Variants in PRKCZ observed in about 807,000 individuals in gnomAD.
PRKCZ encodes protein kinase C zeta, also known as protein kinase C zeta type.
PRKCZ carries 33 observed loss-of-function variants against 79.5 expected under a neutral mutation model. The ratio of observed to expected loss-of-function variants is 0.41; its 90% CI spans 0.31 to 0.55. The LOEUF is 0.55. Ranked by LOEUF, PRKCZ falls within the 20% of genes least tolerant of loss-of-function variation. The pLI, the probability that PRKCZ is intolerant of heterozygous loss-of-function variation, is 0.19. For missense variants in PRKCZ, 578 were observed against 813.5 expected (o/e 0.71, Z 3.52); for synonymous variants, 342 against 320.9 (o/e 1.07, Z -0.70).
rs1267098509 is a variant in PRKCZ, at chr1:2,172,588, C to T, written c.1285+200C>T. ...ACCTCCCATGTCCACTTGAGCAGCT[C>T]CTTGGGGAGGGCACTGCACAGGATT... On this transcript the variant is annotated intron_variant, in intron 13 of 17. Coordinates refer to ENST00000378567, the MANE Select transcript of PRKCZ (RefSeq NM_002744.6). The surrounding 1 kb of genome is among the most constrained non-coding windows in gnomAD (Gnocchi z 7.8). Among the ~76,000 whole-genome samples, 5 of 152,222 alleles carry T rather than the reference C, an allele frequency of 3.3e-5. No homozygotes were observed. The highest frequency in any genetic ancestry group is 1.2e-4 in the African/African-American group (5 of 41,458).
chr1:2,104,474 C>T (rs542652945), intron 4 of PRKCZ, among the ~76,000 whole-genome samples: 29 of 152,010 alleles, frequency 1.9e-4, no homozygotes, highest in Non-Finnish European at 3.2e-4. Flanking sequence ...CATCGGTCTG[C>T]GAGGGGTATG....
At chr1:2,086,381 C>T (rs1196395484) in intron 4 of PRKCZ, among the ~76,000 whole-genome samples, 1 of 152,130 alleles carries the variant, frequency 6.6e-6, no homozygotes, top group South Asian at 2.1e-4. Flanking sequence ...GCTGGAATTA[C>T]AGATGTGAGC....
chr1:2,053,215 T>C lies in PRKCZ; in HGVS notation c.72-2226T>C, dbSNP rs548405243. Among the ~76,000 whole-genome samples, 87 of 152,120 alleles carry C rather than the reference T, an allele frequency of 5.7e-4. 4 individuals are homozygous for C. In the South Asian group the frequency reaches 0.017, roughly 29 times the overall value. On this transcript the variant is annotated intron_variant, in intron 1 of 17. Transcript: ENST00000378567. ...TCCGAGGTTCAAGCAATTCTCCTGC[T>C]TCAGCCTCCCTAGTATCTAGGACTA... is the stretch of plus-strand genomic sequence containing the variant.
intron 4 of PRKCZ, among the ~76,000 whole-genome samples, chr1:2,099,831 G>T (rs1667155873): frequency 6.6e-6 from 1 of 152,200 alleles, no homozygotes; most frequent in South Asian, 2.1e-4. Flanking sequence ...TCCGTGTCGT[G>T]CTAAAGCAGA....
At chr1:2,064,252 C>T (rs191119155) in intron 4 of PRKCZ, among the ~76,000 whole-genome samples, 1 of 152,212 alleles carries the variant, frequency 6.6e-6, no homozygotes, top group Admixed American at 6.5e-5. Flanking sequence ...TACTAGTTCT[C>T]TGTCCTGGAT....
At chr1:2,071,078 G>C (rs114538145) in intron 4 of PRKCZ, among the ~76,000 whole-genome samples, 1 of 102,752 alleles carries the variant, frequency 9.7e-6, no homozygotes, top group African/African-American at 3.5e-5. Flanking sequence ...TGGGCAATGC[G>C]GGGGCCGATT....
Position 2,172,360 on chromosome 1 carries a change from C to T in PRKCZ, c.1257C>T (p.Ala419=). The part of the protein sequence containing the change: ...STFCGTPNYI[A]PEILRGEEYG... ...TCTGCGGAACCCCGAATTACATCGC[C>T]CCCGAAATCCTGCGGGGAGAGGAGT... Residue 419 remains alanine (A), a synonymous_variant, in exon 13 of 18, where the codon GCC becomes GCT. Transcript: ENST00000378567. The surrounding 1 kb of genome is among the most constrained non-coding windows in gnomAD (Gnocchi z 7.8). The T allele has an allele frequency of 6.2e-7, 1 of 1,613,408 alleles. No individual in the cohort carries two copies.
chr1:2,059,365 G>A (rs1660461995), intron 3 of PRKCZ, among the ~76,000 whole-genome samples, 176 bp from the exon 4 acceptor site: 1 of 152,236 alleles, frequency 6.6e-6, no homozygotes, highest in Admixed American at 6.5e-5. Context: ...TCGGAGCCTG[G>A]CCTACGTAGA....
intron 4 of PRKCZ, among the ~76,000 whole-genome samples, chr1:2,093,428 C>T (rs3107128): frequency 0.037 from 5,660 of 152,224 alleles, 372 homozygotes; most frequent in African/African-American, 0.12. Flanking sequence ...CTGCTTCGTG[C>T]GGGGACTCTG....
chr1:2,110,705 C>G (rs1245568394), intron 4 of PRKCZ, among the ~76,000 whole-genome samples: 2 of 142,064 alleles, frequency 1.4e-5, no homozygotes, highest in African/African-American at 5.2e-5. Flanking sequence ...GGGCCTCTGC[C>G]TGAAACCCTG....
chr1:2,136,590 T>C (rs565992158), intron 5 of PRKCZ, among the ~76,000 whole-genome samples: 1 of 151,706 alleles, frequency 6.6e-6, no homozygotes, highest in African/African-American at 2.4e-5. Flanking sequence ...CACCAGGAAA[T>C]GGGGAGCCTA....
At chr1:2,130,973 C>T (rs932226382) in intron 4 of PRKCZ, among the ~76,000 whole-genome samples, 1 of 152,172 alleles carries the variant, frequency 6.6e-6, no homozygotes, top group Non-Finnish European at 1.5e-5. Context: ...AGTACTCCCG[C>T]CTGACACAGT....
In PRKCZ at chr1:2,127,176, C is replaced by G. The variant is rs964826897; in HGVS notation, c.335-8086C>G. On this transcript the variant is annotated intron_variant, in intron 4 of 17. Coordinates refer to ENST00000378567, the MANE Select transcript of PRKCZ (RefSeq NM_002744.6). This position sits in a 1 kb window ranked among gnomAD's most constrained non-coding sequence, Gnocchi z 5.1. Reference sequence around the variant, plus strand: ...CCAGTCCCCAAAACAGACCCTGCGCCCCGGGCAACCATCTGCTTCCCGCCA... The same window carrying G: ...CCAGTCCCCAAAACAGACCCTGCGCGCCGGGCAACCATCTGCTTCCCGCCA... 7.2e-5 allele frequency among the ~76,000 whole-genome samples: 11 copies of G among 152,256 alleles called. 1 individual carries two copies. The highest frequency in any genetic ancestry group is 1.5e-4 in the Non-Finnish European group (10 of 68,042).
chr1:2,063,052 C>T (rs1660831787), intron 4 of PRKCZ, among the ~76,000 whole-genome samples: 1 of 151,716 alleles, frequency 6.6e-6, no homozygotes, highest in Non-Finnish European at 1.5e-5. Flanking sequence ...CAGCTTATTT[C>T]ACTCAGCACC....
intron 1 of PRKCZ, among the ~76,000 whole-genome samples, chr1:2,052,636 C>T (rs1424086648): frequency 6.6e-6 from 1 of 152,088 alleles, no homozygotes; most frequent in East Asian, 1.9e-4. Context: ...ACCCTTCTCC[C>T]CGTTCTGGCT....
chr1:2,127,678 GGCGAACGGCGTCTC>G lies in PRKCZ; in HGVS notation c.335-7583_335-7570del, dbSNP rs1225413662. Among the ~76,000 whole-genome samples the G allele has an allele frequency of 6.6e-6, 1 of 152,216 alleles. No homozygotes were observed. Among genetic ancestry groups the G allele is most frequent in the Non-Finnish European group, 1.5e-5 (1 of 68,032 alleles). On this transcript the variant is annotated intron_variant, in intron 4 of 17. Coordinates refer to ENST00000378567, the MANE Select transcript of PRKCZ (RefSeq NM_002744.6). The surrounding 1 kb of genome is among the most constrained non-coding windows in gnomAD (Gnocchi z 5.1). ...TCAGGGGCTCCACACCAGGCAAATA[GGCGAACGGCGTCTC>G]CCGCGGCTCCCGGTGGCTTTTTAGG... is the stretch of plus-strand genomic sequence containing the variant.
intron 11 of PRKCZ, among the ~76,000 whole-genome samples, chr1:2,171,000 G>T (rs1684313098): frequency 6.6e-6 from 1 of 152,180 alleles, no homozygotes; most frequent in Non-Finnish European, 1.5e-5. Context: ...GTTCTTTGGG[G>T]TATACACCCA....
chr1:2,131,987 AT>A (rs1675062642), intron 4 of PRKCZ, among the ~76,000 whole-genome samples: 1 of 152,032 alleles, frequency 6.6e-6, no homozygotes, highest in South Asian at 2.1e-4. Context: ...AATTTTTTGT[AT>A]TTTTAGTAGA....
At chr1:2,104,661 G>A (rs1668056528) in intron 4 of PRKCZ, 2 of 984,088 alleles carry the variant, frequency 2.0e-6, no homozygotes, top group African/African-American at 3.5e-5. Context: ...AAGCCAGTGT[G>A]GGTGGGGACT....
Sources: gnomAD v4.1 joint callset for allele counts (sites outside exome capture counted in the v4.1 genomes callset) on GRCh38, gnomAD v4.1.1 for gene constraint, Gnocchi (gnomAD v3.1) non-coding constraint, MANE v1.5 for transcripts, NCBI Gene and HGNC (gene_info 2026-07-23, HGNC 2026-07-21) for gene names.